Variants in GPR37 observed in about 807,000 individuals in gnomAD.
GPR37 encodes prosaposin receptor GPR37.
GPR37 carries 20 observed loss-of-function variants against 43.6 expected under a neutral mutation model. The observed-to-expected ratio is 0.46, with a 90% CI of 0.32 to 0.67. The LOEUF (loss-of-function observed/expected upper bound fraction) is 0.67, where lower values mean the gene tolerates loss of function less well. Among genes scored for constraint, GPR37 ranks in the 30% least tolerant of loss-of-function variants. The pLI is 0.03. For synonymous variants in GPR37, 315 were observed against 322.6 expected (o/e 0.98, Z 0.25); for missense variants, 724 against 797.2 (o/e 0.91, Z 1.11).
chr7:124,759,066 ATTT>A (rs541602933), intron 1 of GPR37, among the ~76,000 whole-genome samples: 6 of 137,140 alleles, frequency 4.4e-5, no homozygotes, highest in Non-Finnish European at 7.9e-5. Context: ...AATTATTTGA[ATTT>A]TTTTTTTTTT....
At chr7:124,748,790 C>A (rs1350096634) in intron 1 of GPR37, among the ~76,000 whole-genome samples, 1 of 151,846 alleles carries the variant, frequency 6.6e-6, no homozygotes, top group Non-Finnish European at 1.5e-5. Context: ...GTCCAGACAT[C>A]TAAAAAAATC....
chr7:124,747,388 A>C, intron 1 of GPR37, 45 bp from the exon 2 acceptor site: 1 of 1,272,086 alleles, frequency 7.9e-7, no homozygotes, highest in Non-Finnish European at 1.1e-6. Flanking sequence ...GTCCCCCGAA[A>C]GATCAAAGCA....
chr7:124,754,258 C>T (rs1291749278), intron 1 of GPR37, among the ~76,000 whole-genome samples: 1 of 152,106 alleles, frequency 6.6e-6, no homozygotes, highest in Non-Finnish European at 1.5e-5. Flanking sequence ...AATCTCTGTT[C>T]ATTCAAAATG....
rs764622507 is a variant in GPR37, at chr7:124,765,106, G to T, written c.-130C>A. 3 of 787,720 alleles carry T rather than the reference G, an allele frequency of 3.8e-6. No individual in the cohort carries two copies. Among genetic ancestry groups the T allele is most frequent in the Non-Finnish European group, 5.7e-6 (3 of 529,670 alleles). 48.8% of individuals were successfully genotyped at this position (787,720 alleles called of 1,614,324 possible). On this transcript the variant is annotated 5_prime_UTR_variant, in exon 1 of 2. Coordinates refer to ENST00000303921, the MANE Select transcript of GPR37 (RefSeq NM_005302.5). ...CCCGCCCGGGTAGCGGGGAACCGGA[G>T]ATTAGGGTGATAGCGGAAGATCGGT... is the stretch of plus-strand genomic sequence containing the variant.
At chr7:124,756,866 G>T (rs1183761114) in intron 1 of GPR37, among the ~76,000 whole-genome samples, 3 of 152,186 alleles carry the variant, frequency 2.0e-5, no homozygotes, top group Admixed American at 1.3e-4. Context: ...TGTAAAAATT[G>T]TATCAAGGTC....
At position 124,746,874 on chromosome 7, in the gene GPR37, G is replaced by A; in HGVS notation, c.1493C>T (p.Thr498Ile). The stretch of plus-strand genomic sequence containing the variant: ...AATAATGCAAAATCCATATAAAATG[G>A]TCAGTGCCACTACTGTACAGTTCAT... ...SQMNCTVVAL[T>I]ILYGFCIIPE... is the part of the protein sequence containing the mutation. Residue 498 changes from threonine (T) to isoleucine (I), a missense_variant, in exon 2 of 2, where the codon ACC (threonine) becomes ATC (isoleucine). Physicochemically the swap from Thr to Ile is moderately conservative, Grantham distance 89. This residue lies in a region of GPR37 where 342 missense variants were observed against 441.8 expected (regional missense o/e 0.77). Coordinates refer to ENST00000303921, the MANE Select transcript of GPR37 (RefSeq NM_005302.5). 6.2e-7 allele frequency: 1 copy of A among 1,614,050 alleles called. No individual in the cohort carries two copies. The highest frequency in any genetic ancestry group is 8.5e-7 in the Non-Finnish European group (1 of 1,179,948).
chr7:124,762,728 G>A (rs1793865250), intron 1 of GPR37, among the ~76,000 whole-genome samples: 1 of 152,228 alleles, frequency 6.6e-6, no homozygotes. Flanking sequence ...TCCCTGTCAA[G>A]ATAACAGAGG....
Position 124,746,782 on chromosome 7 carries a change from G to T in GPR37, c.1585C>A (p.Leu529Ile). The stretch of plus-strand genomic sequence containing the variant: ...AGGAACTGGCTGATGATATTAAGGA[G>T]GTCCATTGTCTGCTGTGAAACCCCT... The part of the protein sequence containing the change: ...ATGVSQQTMD[L>I]LNIISQFLLF... The change falls in exon 2 of 2, where the codon CTC becomes ATC. Residue 529 changes from leucine to isoleucine, a missense_variant. Transcript: ENST00000303921. The T allele has an allele frequency of 6.2e-7, 1 of 1,614,024 alleles. No homozygotes were observed. Among genetic ancestry groups the T allele is most frequent in the Non-Finnish European group, 8.5e-7 (1 of 1,179,932 alleles).
In GPR37 at chr7:124,746,358, T is replaced by A. The variant is rs752215302; in HGVS notation, c.*167A>T. On this transcript the variant is annotated 3_prime_UTR_variant, in exon 2 of 2. Transcript: ENST00000303921. The stretch of plus-strand genomic sequence containing the variant: ...CTTAAATAACTAAATAGAAACTTTT[T>A]TTCAAAGCACAAATATTAATTTGTA... The A allele has an allele frequency of 3.3e-5, 16 of 487,738 alleles. No individual in the cohort carries two copies. The highest frequency in any genetic ancestry group is 5.7e-5 in the Non-Finnish European group (16 of 281,218). The allele number at this position is 487,738 out of a possible 1,614,324, so 30.2% of individuals were successfully genotyped here. A position where few individuals can be genotyped will look rare whatever the true frequency, so the allele number is the denominator to read the frequency against.
rs1793679281 is a variant in GPR37 at position 124,746,987 on chromosome 7, G to C, written c.1380C>G (p.Thr460=). The C allele has an allele frequency of 1.2e-6, 2 of 1,613,992 alleles. No individual in the cohort carries two copies. Among genetic ancestry groups the C allele is most frequent in the Non-Finnish European group, 1.7e-6 (2 of 1,179,938 alleles). ...TTTTCCTCGCAGTCACTAGAGAGCA[G>C]GTGATGGTGAAAAGCGTGGGCAAAC... The part of the protein sequence containing the change: ...YFCLPTLFTI[T]CSLVTARKIR... The change falls in exon 2 of 2, where the codon ACC becomes ACG. Residue 460 remains threonine (T), a synonymous_variant. Coordinates refer to ENST00000303921, the MANE Select transcript of GPR37 (RefSeq NM_005302.5).
chr7:124,752,201 C>A (rs1262476656), intron 1 of GPR37, among the ~76,000 whole-genome samples: 1 of 152,068 alleles, frequency 6.6e-6, no homozygotes, highest in Non-Finnish European at 1.5e-5. Flanking sequence ...TCTTGATCAC[C>A]CCTAAACTGT....
In GPR37 at chr7:124,764,993, A is replaced by T. The variant is rs1326904977; in HGVS notation, c.-17T>A. ...GGCTCGCATGGCTTGGTGAGGGCAC[A>T]CCCGGCAGCCGCAGCTCCTGCTTAG... On this transcript the variant is annotated 5_prime_UTR_variant, in exon 1 of 2. Transcript: ENST00000303921. This position sits in a 1 kb window ranked among gnomAD's most constrained non-coding sequence, Gnocchi z 5.4. 2.8e-6 allele frequency: 4 copies of T among 1,440,862 alleles called. No individual in the cohort carries two copies. Among genetic ancestry groups the T allele is most frequent in the Non-Finnish European group, 3.6e-6 (4 of 1,101,758 alleles). The allele number at this position is 1,440,862 out of a possible 1,614,324, so 89.3% of individuals were successfully genotyped here. A position where few individuals can be genotyped will look rare whatever the true frequency, so the allele number is the denominator to read the frequency against.
intron 1 of GPR37, among the ~76,000 whole-genome samples, chr7:124,758,492 T>C (rs1202120842): frequency 6.6e-6 from 1 of 152,196 alleles, no homozygotes; most frequent in Non-Finnish European, 1.5e-5. Flanking sequence ...AAATTTACCA[T>C]ATGCCATGAT....
intron 1 of GPR37, among the ~76,000 whole-genome samples, chr7:124,762,704 G>C (rs1427106796): frequency 6.6e-6 from 1 of 152,226 alleles, no homozygotes; most frequent in Non-Finnish European, 1.5e-5. Flanking sequence ...GTCATGGAAT[G>C]ATCCTGCACC....
chr7:124,765,101 C>T lies in GPR37; in HGVS notation c.-125G>A. On this transcript the variant is annotated 5_prime_UTR_variant, in exon 1 of 2. Coordinates refer to ENST00000303921, the MANE Select transcript of GPR37 (RefSeq NM_005302.5). ...TCACCCCCGCCCGGGTAGCGGGGAA[C>T]CGGAGATTAGGGTGATAGCGGAAGA... is the stretch of plus-strand genomic sequence containing the variant. 3.4e-6 allele frequency: 3 copies of T among 869,730 alleles called. No individual in the cohort carries two copies. Among genetic ancestry groups the T allele is most frequent in the Non-Finnish European group, 5.0e-6 (3 of 604,884 alleles). The allele number at this position is 869,730 out of a possible 1,614,324, so 53.9% of individuals were successfully genotyped here.
rs1414501589 is a variant in GPR37 at position 124,744,128 on chromosome 7, A to C, written c.*2397T>G. 1 of 152,134 alleles carries C rather than the reference A, an allele frequency of 6.6e-6. No individual in the cohort carries two copies. Among genetic ancestry groups the C allele is most frequent in the Non-Finnish European group, 1.5e-5 (1 of 68,006 alleles). The allele number at this position is 152,134 out of a possible 1,614,324, so 9.4% of individuals were successfully genotyped here. A position where few individuals can be genotyped will look rare whatever the true frequency, so the allele number is the denominator to read the frequency against. ...CTACAAAAAGTTGAAAGGCAAGTAT[A>C]AATGAAAAAAGAAATTTAAGTTCCT... On this transcript the variant is annotated 3_prime_UTR_variant, in exon 2 of 2. Coordinates refer to ENST00000303921, the MANE Select transcript of GPR37 (RefSeq NM_005302.5).
At chr7:124,753,961 A>T (rs993378868) in intron 1 of GPR37, among the ~76,000 whole-genome samples, 1 of 152,102 alleles carries the variant, frequency 6.6e-6, no homozygotes, top group African/African-American at 2.4e-5. Flanking sequence ...GACAACAATG[A>T]CTTTGGGGAA....
In GPR37 at chr7:124,747,306, G is replaced by T; in HGVS notation, c.1061C>A (p.Ala354Asp). Residue 354 changes from alanine (A) to aspartate (D), a missense_variant, in exon 2 of 2, where the codon GCT (alanine) becomes GAT (aspartate). Physicochemically the swap from Ala to Asp is moderately radical, Grantham distance 126. This residue lies in a region of GPR37 where 342 missense variants were observed against 441.8 expected (regional missense o/e 0.77). Transcript: ENST00000303921. ...AGCACGGAAGCGGTCTATGCACAGA[G>T]CACATAAGGTGAAAGTGGTGACTCC... ...SLGVTTFTLC[A>D]LCIDRFRAAT... The T allele has an allele frequency of 6.2e-7, 1 of 1,613,396 alleles. No individual in the cohort carries two copies. Among genetic ancestry groups the T allele is most frequent in the Non-Finnish European group, 8.5e-7 (1 of 1,179,638 alleles).
intron 1 of GPR37, among the ~76,000 whole-genome samples, chr7:124,763,685 G>A (rs536008887): frequency 6.6e-6 from 1 of 151,976 alleles, no homozygotes; most frequent in Non-Finnish European, 1.5e-5. Flanking sequence ...TATTCAGGGA[G>A]ATAGATTTAT....
Sources: gnomAD v4.1 joint callset for allele counts (sites outside exome capture counted in the v4.1 genomes callset) on GRCh38, gnomAD v4.1.1 for gene constraint, gnomAD v4.1.1 regional missense constraint, Gnocchi (gnomAD v3.1) non-coding constraint, MANE v1.5 for transcripts, NCBI Gene and HGNC (gene_info 2026-07-23, HGNC 2026-07-21) for gene names.